The following EYS variants were observed in gnomAD, a reference collection of about 807,000 sequenced individuals.
The protein encoded by EYS is protein eyes shut homolog.
Under a neutral mutation model 282.1 loss-of-function variants are expected in EYS, and 250 were observed. That is an observed-to-expected ratio of 0.89 (90% CI 0.80 to 0.98). The LOEUF (loss-of-function observed/expected upper bound fraction) is 0.98. Ranked by LOEUF, EYS falls within the 50% of genes least tolerant of loss-of-function variation. EYS has a pLI of 0.00. For missense variants in EYS, 4,016 were observed against 3,709.0 expected (o/e 1.08, Z -2.15); for synonymous variants, 1,355 against 1,282.9 (o/e 1.06, Z -1.20).
At chr6:64,593,697 G>A (rs959766376) in intron 24 of EYS, among the ~76,000 whole-genome samples, 1 of 152,144 alleles carries the variant, frequency 6.6e-6, no homozygotes, top group African/African-American at 2.4e-5. Flanking sequence ...TTAGTTGGAA[G>A]CTAATGTAAA....
chr6:64,348,015 C>T lies in EYS; in HGVS notation c.6078+40675G>A, dbSNP rs189585290. Among the ~76,000 whole-genome samples, 10 of 151,388 alleles carry T rather than the reference C, an allele frequency of 6.6e-5. No homozygotes were observed. The East Asian group carries it at 1.4e-3, about 21-fold the overall frequency. ...ATAAATCTTTTAACATTTTGTTAAACGAGATCTTGTGTTTATATTTTAATA... is the reference window on the plus strand; with the variant it reads ...ATAAATCTTTTAACATTTTGTTAAATGAGATCTTGTGTTTATATTTTAATA... On this transcript the variant is annotated intron_variant, in intron 29 of 42. Coordinates refer to ENST00000503581, the MANE Select transcript of EYS (RefSeq NM_001142800.2).
Position 64,439,143 on chromosome 6 carries a change from A to C in EYS, c.5835+19T>G. ...CAACTTTGTAATTTTTAAAAAATTA[A>C]ATGAACTGAATAACTTACCTTTAAA... On this transcript the variant is annotated intron_variant, in intron 27 of 42. Transcript: ENST00000503581. 6 of 1,318,210 alleles carry C rather than the reference A, an allele frequency of 4.6e-6. No homozygotes were observed. The highest frequency in any genetic ancestry group is 6.1e-6 in the Non-Finnish European group (6 of 989,604). 81.7% of individuals were successfully genotyped at this position (1,318,210 alleles called of 1,614,324 possible).
chr6:65,009,197 T>C (rs901297289), intron 13 of EYS, among the ~76,000 whole-genome samples: 1 of 151,956 alleles, frequency 6.6e-6, no homozygotes, highest in African/African-American at 2.4e-5. Flanking sequence ...GGATCCCACC[T>C]CCTTTCCCTA....
chr6:64,889,298 ATTT>A (rs1487101464), intron 18 of EYS, among the ~76,000 whole-genome samples: 2 of 151,898 alleles, frequency 1.3e-5, no homozygotes, highest in Non-Finnish European at 2.9e-5. Flanking sequence ...TTAATGGGAA[ATTT>A]TTGTGAAATG....
chr6:65,144,235 C>T (rs996581069), intron 12 of EYS, among the ~76,000 whole-genome samples: 5 of 152,048 alleles, frequency 3.3e-5, no homozygotes, highest in Non-Finnish European at 7.4e-5. Flanking sequence ...ATATCTGTGT[C>T]ACATATATTA....
intron 12 of EYS, among the ~76,000 whole-genome samples, chr6:65,123,949 G>A (rs1390450537): frequency 6.6e-6 from 1 of 152,114 alleles, no homozygotes; most frequent in Non-Finnish European, 1.5e-5. Context: ...GGAGGCCAAG[G>A]CAAGCAGATC....
At chr6:64,745,477 T>C (rs1365395218) in intron 22 of EYS, among the ~76,000 whole-genome samples, 1 of 152,184 alleles carries the variant, frequency 6.6e-6, no homozygotes, top group Non-Finnish European at 1.5e-5. Context: ...TAGTATATCA[T>C]AATATTGTAT....
intron 30 of EYS, among the ~76,000 whole-genome samples, chr6:64,296,776 T>G (rs895517516): frequency 2.7e-4 from 41 of 151,684 alleles, no homozygotes; most frequent in African/African-American, 9.9e-4. Context: ...CAGGCTAACT[T>G]TTGTATTTTT....
At chr6:65,096,932 G>A (rs372492482) in intron 12 of EYS, among the ~76,000 whole-genome samples, 105 of 150,826 alleles carry the variant, frequency 7.0e-4, no homozygotes, top group African/African-American at 2.3e-3. Flanking sequence ...CTTGACATTG[G>A]CCCTATCAAC....
At chr6:65,392,916 C>G (rs1250038441) in intron 7 of EYS, among the ~76,000 whole-genome samples, 1 of 152,124 alleles carries the variant, frequency 6.6e-6, no homozygotes, top group Non-Finnish European at 1.5e-5. Flanking sequence ...AGACTTGGAA[C>G]TAACCCAAAT....
chr6:64,351,468 A>G (rs770018668), intron 29 of EYS, among the ~76,000 whole-genome samples: 3 of 151,420 alleles, frequency 2.0e-5, no homozygotes, highest in Non-Finnish European at 4.4e-5. Context: ...ATCTACTTGT[A>G]TCATATTTGT....
At chr6:64,608,018 T>TA (rs1766990145) in intron 24 of EYS, among the ~76,000 whole-genome samples, 1 of 152,038 alleles carries the variant, frequency 6.6e-6, no homozygotes, top group Non-Finnish European at 1.5e-5. Flanking sequence ...TAATAACGTT[T>TA]TAATGGAAGC....
chr6:65,306,859 A>AAAAAAAAAAAAAG (rs1346343044), intron 11 of EYS, among the ~76,000 whole-genome samples: 6 of 142,386 alleles, frequency 4.2e-5, no homozygotes, highest in Non-Finnish European at 6.1e-5. Flanking sequence ...AAAAAAAAAA[A>AAAAAAAAAAAAAG]AAAGAAAGTC....
chr6:65,603,989 C>T (rs168514), intron 2 of EYS, among the ~76,000 whole-genome samples: 127,125 of 151,688 alleles, frequency 0.84, 53,600 homozygotes, highest in East Asian at 0.97. Flanking sequence ...TGAATGACTT[C>T]TTTTTTCTTT....
At chr6:64,264,886 A>G (rs534368921) in intron 30 of EYS, among the ~76,000 whole-genome samples, 1 of 152,244 alleles carries the variant, frequency 6.6e-6, no homozygotes, top group African/African-American at 2.4e-5. Context: ...CTTGGGTGAA[A>G]GAGTGAGACT....
chr6:64,551,541 T>A (rs1171680661), intron 26 of EYS, among the ~76,000 whole-genome samples: 1 of 149,708 alleles, frequency 6.7e-6, no homozygotes. Context: ...GCATTCTTTT[T>A]TTTTTTTTTT....
intron 13 of EYS, among the ~76,000 whole-genome samples, chr6:65,054,793 A>C (rs1180096999): frequency 1.3e-5 from 2 of 152,096 alleles, no homozygotes; most frequent in Non-Finnish European, 2.9e-5. Context: ...TATAAAGCTA[A>C]GGCACTACCA....
intron 35 of EYS, among the ~76,000 whole-genome samples, chr6:63,949,404 T>C (rs950015751): frequency 6.6e-6 from 1 of 152,186 alleles, no homozygotes; most frequent in Non-Finnish European, 1.5e-5. Flanking sequence ...GTTCCTCTCT[T>C]TGCCTGGGTA....
chr6:65,695,960 AT>A (rs1348738341), intron 1 of EYS, among the ~76,000 whole-genome samples: 1 of 152,010 alleles, frequency 6.6e-6, no homozygotes, highest in African/African-American at 2.4e-5. Context: ...TTGGTCTAAA[AT>A]AATTATTCTA....
Sources: gnomAD v4.1 joint callset for allele counts (sites outside exome capture counted in the v4.1 genomes callset) on GRCh38, gnomAD v4.1.1 for gene constraint, MANE v1.5 for transcripts, NCBI Gene and HGNC (gene_info 2026-07-23, HGNC 2026-07-21) for gene names.